The following AGBL4 variants were observed in gnomAD, a reference collection of about 807,000 sequenced individuals.
AGBL4 encodes the protein cytosolic carboxypeptidase 6.
Under a neutral mutation model 66.4 loss-of-function variants are expected in AGBL4, and 58 were observed. The observed-to-expected ratio is 0.87, with a 90% CI of 0.71 to 1.09. The LOEUF (loss-of-function observed/expected upper bound fraction) is 1.09, where lower values mean the gene tolerates loss of function less well. AGBL4 is among the 50% of genes least tolerant of loss of function. The pLI, the probability that AGBL4 is intolerant of heterozygous loss-of-function variation, is 0.00. For missense variants in AGBL4, 579 were observed against 631.0 expected, an observed-to-expected ratio of 0.92 and a Z score of 0.88; for synonymous variants, 234 against 222.9, an observed-to-expected ratio of 1.05 and a Z score of -0.44.
intron 4 of AGBL4, among the ~76,000 whole-genome samples, chr1:49,236,954 T>C (rs1650801893): frequency 6.6e-6 from 1 of 152,008 alleles, no homozygotes; most frequent in Non-Finnish European, 1.5e-5. Context: ...TAGGGAATCA[T>C]GAGATCTGAT....
At chr1:48,821,556 T>C (rs1646313420) in intron 6 of AGBL4, among the ~76,000 whole-genome samples, 1 of 152,022 alleles carries the variant, frequency 6.6e-6, no homozygotes. Context: ...CACATATGGA[T>C]ATAAAGATGA....
At chr1:49,487,892 G>A (rs1647102716) in intron 3 of AGBL4, among the ~76,000 whole-genome samples, 1 of 151,842 alleles carries the variant, frequency 6.6e-6, no homozygotes, top group Non-Finnish European at 1.5e-5. Flanking sequence ...TTAAAGGATA[G>A]GTTTCAACAA....
chr1:48,708,156 A>G (rs1056820655), intron 6 of AGBL4, among the ~76,000 whole-genome samples: 1 of 152,222 alleles, frequency 6.6e-6, no homozygotes, highest in Non-Finnish European at 1.5e-5. Flanking sequence ...AACCGAATCC[A>G]GAGTGAGGGT....
chr1:49,755,595 A>AGC (rs1651828126), intron 2 of AGBL4, among the ~76,000 whole-genome samples: 1 of 152,182 alleles, frequency 6.6e-6, no homozygotes, highest in Admixed American at 6.6e-5. Flanking sequence ...GCTATTCTTG[A>AGC]GCACACACAC....
chr1:49,701,656 T>C (rs1390132379), intron 2 of AGBL4, among the ~76,000 whole-genome samples: 1 of 151,598 alleles, frequency 6.6e-6, no homozygotes, highest in African/African-American at 2.4e-5. Context: ...ATAAATGACA[T>C]AGAGAATAGA....
intron 3 of AGBL4, among the ~76,000 whole-genome samples, chr1:49,358,274 AC>A (rs1644061413): frequency 1.3e-5 from 2 of 152,144 alleles, no homozygotes; most frequent in African/African-American, 4.8e-5. Flanking sequence ...AGATTAGGAA[AC>A]TTTCCAAGAC....
At chr1:49,081,791 G>T (rs1302873125) in intron 4 of AGBL4, among the ~76,000 whole-genome samples, 1 of 152,178 alleles carries the variant, frequency 6.6e-6, no homozygotes, top group African/African-American at 2.4e-5. Flanking sequence ...CAATAGAAAA[G>T]AAACCATTCC....
intron 6 of AGBL4, among the ~76,000 whole-genome samples, chr1:48,732,633 G>C (rs72904824): frequency 0.021 from 3,226 of 152,200 alleles, 124 homozygotes; most frequent in African/African-American, 0.074. Flanking sequence ...AGTAGCAACA[G>C]AAAGGACCTG....
At chr1:49,263,077 T>C (rs1216845213) in intron 3 of AGBL4, among the ~76,000 whole-genome samples, 1 of 151,912 alleles carries the variant, frequency 6.6e-6, no homozygotes, top group Non-Finnish European at 1.5e-5. Context: ...ACACCGCATG[T>C]TCTCACTCAT....
chr1:48,897,272 T>A (rs1018041888), intron 5 of AGBL4, among the ~76,000 whole-genome samples: 2 of 152,212 alleles, frequency 1.3e-5, no homozygotes, highest in African/African-American at 4.8e-5. Context: ...TTTAACATAG[T>A]GGTCTCCAGT....
intron 9 of AGBL4, among the ~76,000 whole-genome samples, chr1:48,614,682 A>G (rs1645290865): frequency 1.3e-5 from 2 of 152,172 alleles, no homozygotes; most frequent in South Asian, 4.1e-4. Context: ...AGGTTGTTCT[A>G]TCTACCTCAC....
chr1:49,595,325 G>A lies in AGBL4; in HGVS notation c.282+101988C>T, dbSNP rs563101775. Among the ~76,000 whole-genome samples, 171 of 152,122 alleles carry A rather than the reference G, an allele frequency of 1.1e-3. 1 individual carries two copies. Among genetic ancestry groups the A allele is most frequent in the African/African-American group, 4.0e-3 (166 of 41,498 alleles). On this transcript the variant is annotated intron_variant, in intron 3 of 13. Coordinates refer to ENST00000371839, the MANE Select transcript of AGBL4 (RefSeq NM_032785.4). ...AGGATGGTCTTGATCTCCTGACCTC[G>A]TGATCTGCCTGTCTCGGCCTCCCAA...
chr1:49,411,339 C>T (rs1471835166), intron 3 of AGBL4, among the ~76,000 whole-genome samples: 1 of 152,228 alleles, frequency 6.6e-6, no homozygotes, highest in African/African-American at 2.4e-5. Context: ...CTACTTTGTT[C>T]TAGGCACACT....
chr1:49,614,925 T>C (rs2016341579), intron 3 of AGBL4, among the ~76,000 whole-genome samples: 1 of 152,166 alleles, frequency 6.6e-6, no homozygotes, highest in African/African-American at 2.4e-5. Flanking sequence ...TAGTAAGGTC[T>C]GGCACAAAAC....
Position 48,577,849 on chromosome 1 carries a change from GA to G in AGBL4, c.1267+9154del, listed in dbSNP as rs536697658. ...TAGGTCCCAACCTCTGCAGGGTTCA[GA>G]AAAGGCTCTTGTCCAACAGGAAATG... is the stretch of plus-strand genomic sequence containing the variant. On this transcript the variant is annotated intron_variant, in intron 11 of 13. Transcript: ENST00000371839. Among the ~76,000 whole-genome samples, 342 of 152,314 alleles carry G rather than the reference GA, an allele frequency of 2.2e-3. 2 individuals are homozygous for G. The highest frequency in any genetic ancestry group is 0.014 in the Middle Eastern group (4 of 294).
intron 5 of AGBL4, among the ~76,000 whole-genome samples, chr1:48,931,250 T>G (rs181526427): frequency 1.4e-3 from 216 of 152,330 alleles, no homozygotes; most frequent in Non-Finnish European, 2.5e-3. Flanking sequence ...TGAGGTGCCA[T>G]GTTTAAAGAT....
At chr1:48,525,029 G>T in the AGBL4 span, among the ~76,000 whole-genome samples, 32 of 152,038 alleles carry the variant, frequency 2.1e-4, no homozygotes, top group Non-Finnish European at 2.1e-4. Context: ...AAAATGTTCT[G>T]CTTGGAGCAG....
intron 9 of AGBL4, among the ~76,000 whole-genome samples, chr1:48,616,276 G>A (rs1031799045): frequency 2.0e-5 from 3 of 152,004 alleles, no homozygotes; most frequent in East Asian, 1.9e-4. Flanking sequence ...AATTTGAGAC[G>A]CACCAGGTTA....
At chr1:49,192,630 G>A (rs992156520) in intron 4 of AGBL4, among the ~76,000 whole-genome samples, 3 of 152,192 alleles carry the variant, frequency 2.0e-5, no homozygotes. Context: ...ATGTTGGCTT[G>A]TATGTCTTCT....
Sources: gnomAD v4.1 joint callset for allele counts (sites outside exome capture counted in the v4.1 genomes callset) on GRCh38, gnomAD v4.1.1 for gene constraint, MANE v1.5 for transcripts, NCBI Gene and HGNC (gene_info 2026-07-23, HGNC 2026-07-21) for gene names.